The following TPGS2 variants were observed in gnomAD, a reference collection of about 807,000 sequenced individuals.
The protein encoded by TPGS2 is tubulin polyglutamylase complex subunit 2.
Under a neutral mutation model 31.1 loss-of-function variants are expected in TPGS2, and 26 were observed. That is an observed-to-expected ratio of 0.84 (90% CI 0.61 to 1.16). The LOEUF is 1.16. Ranked by LOEUF, TPGS2 falls within the 50% of genes most tolerant of loss-of-function variation. The pLI is 0.00. For synonymous variants in TPGS2, 130 were observed against 136.6 expected (o/e 0.95, Z 0.34); for missense variants, 351 against 363.8 (o/e 0.96, Z 0.29).
At position 36,828,841 on chromosome 18, in the gene TPGS2, T is replaced by G. The variant is rs2046331554; in HGVS notation, c.-74A>C. On this transcript the variant is annotated 5_prime_UTR_variant, in exon 1 of 7. It removes the in-frame stop codon of an upstream open reading frame in the 5' UTR. Coordinates refer to ENST00000334295, the MANE Select transcript of TPGS2 (RefSeq NM_015476.4). Reference sequence around the variant, plus strand: ...CCCCGCCTCAGCGCCGAGGCCAATTTCATGGCATGCCGGGAACGGTAGTTC... The same window carrying G: ...CCCCGCCTCAGCGCCGAGGCCAATTGCATGGCATGCCGGGAACGGTAGTTC... 2 of 1,549,692 alleles carry G rather than the reference T, an allele frequency of 1.3e-6. No individual in the cohort carries two copies. The highest frequency in any genetic ancestry group is 1.8e-6 in the Non-Finnish European group (2 of 1,133,668).
At chr18:36,827,860 G>A (rs1600865760) in intron 1 of TPGS2, among the ~76,000 whole-genome samples, 2 of 152,222 alleles carry the variant, frequency 1.3e-5, no homozygotes, top group East Asian at 3.9e-4. Context: ...TCACAGAACT[G>A]TGTCTTTTTC....
chr18:36,796,409 AT>A lies in TPGS2; in HGVS notation c.*395del. The A allele has an allele frequency of 1.0e-6, 1 of 997,418 alleles. No homozygotes were observed. 61.8% of individuals were successfully genotyped at this position (997,418 alleles called of 1,614,324 possible). On this transcript the variant is annotated 3_prime_UTR_variant, in exon 7 of 7. Coordinates refer to ENST00000334295, the MANE Select transcript of TPGS2 (RefSeq NM_015476.4). ...TTCATACAATTTACTTTAAATTTAA[AT>A]AGTCATATGTGACTAGTGGCTCCTG...
chr18:36,811,612 C>T (rs2045431683), intron 2 of TPGS2, among the ~76,000 whole-genome samples: 1 of 152,064 alleles, frequency 6.6e-6, no homozygotes, highest in South Asian at 2.1e-4. Flanking sequence ...TGGGGGAAGC[C>T]TTTGCATCTA....
intron 1 of TPGS2, among the ~76,000 whole-genome samples, chr18:36,820,404 C>CA (rs2045845154): frequency 6.6e-6 from 1 of 152,184 alleles, no homozygotes; most frequent in Admixed American, 6.5e-5. Flanking sequence ...AATTGGCCAA[C>CA]ATGTTGACTT....
intron 6 of TPGS2, among the ~76,000 whole-genome samples, chr18:36,786,253 TTC>T (rs764421423): frequency 8.5e-5 from 13 of 152,150 alleles, no homozygotes; most frequent in South Asian, 2.1e-4. Flanking sequence ...TCTGGTGGTG[TTC>T]TGTCACCCAG....
chr18:36,803,361 GTCC>G (rs1237866333), intron 4 of TPGS2, among the ~76,000 whole-genome samples: 4 of 152,072 alleles, frequency 2.6e-5, no homozygotes, highest in Non-Finnish European at 5.9e-5. Context: ...GGGGTTTTGT[GTCC>G]TCATCTGCTG....
At chr18:36,786,624 CGTCA>C in intron 6 of TPGS2, 1 of 389,992 alleles carries the variant, frequency 2.6e-6, no homozygotes, top group Admixed American at 4.5e-5. Context: ...AAAGTTGTTC[CGTCA>C]GTCTTATGAT....
intron 2 of TPGS2, among the ~76,000 whole-genome samples, chr18:36,813,243 A>C (rs1228366030): frequency 6.6e-6 from 1 of 152,188 alleles, no homozygotes; most frequent in Non-Finnish European, 1.5e-5. Flanking sequence ...GTCTGCGAGG[A>C]AGGAAAAGAT....
downstream of TPGS2, among the ~76,000 whole-genome samples, chr18:36,791,289 T>C (rs2044301085): frequency 6.6e-6 from 1 of 152,222 alleles, no homozygotes; most frequent in Admixed American, 6.5e-5. Context: ...TAGTTCTTTA[T>C]AGCTATGTGA....
intron 1 of TPGS2, 64 bp from the exon 2 acceptor site, chr18:36,819,037 T>C (rs554141900): frequency 7.5e-7 from 1 of 1,333,464 alleles, no homozygotes; most frequent in African/African-American, 1.4e-5. Flanking sequence ...TCTACGCTAG[T>C]TGTTGACTAA....
intron 2 of TPGS2, among the ~76,000 whole-genome samples, chr18:36,809,099 T>C (rs2045301308): frequency 6.6e-6 from 1 of 152,198 alleles, no homozygotes; most frequent in Non-Finnish European, 1.5e-5. Flanking sequence ...AGGTACCCAA[T>C]GCATGGGAAA....
At chr18:36,814,430 C>T (rs1376436663) in intron 2 of TPGS2, among the ~76,000 whole-genome samples, 1 of 152,180 alleles carries the variant, frequency 6.6e-6, no homozygotes, top group African/African-American at 2.4e-5. Flanking sequence ...TCATATTTCC[C>T]TCCAACCTCA....
chr18:36,784,572 G>A (rs2044087267), intron 6 of TPGS2, among the ~76,000 whole-genome samples: 1 of 152,222 alleles, frequency 6.6e-6, no homozygotes, highest in African/African-American at 2.4e-5. Context: ...AGAAAAATCA[G>A]TTGTGTTTGC....
chr18:36,804,822 G>A (rs2045030950), intron 4 of TPGS2, among the ~76,000 whole-genome samples: 1 of 152,110 alleles, frequency 6.6e-6, no homozygotes, highest in African/African-American at 2.4e-5. Context: ...TTGTTTTCTT[G>A]ATCAAAAGGG....
chr18:36,828,878 A>G lies in TPGS2; in HGVS notation c.-111T>C, dbSNP rs1421523094. 1 of 1,358,574 alleles carries G rather than the reference A, an allele frequency of 7.4e-7. No homozygotes were observed. Among genetic ancestry groups the G allele is most frequent in the Non-Finnish European group, 1.0e-6 (1 of 994,090 alleles). 84.2% of individuals were successfully genotyped at this position (1,358,574 alleles called of 1,614,324 possible). ...GGGAACGGTAGTTCTCGGCGCCTGA[A>G]AGCGCGGCGCAGTGATGATGGGGGC... On this transcript the variant is annotated 5_prime_UTR_variant, in exon 1 of 7. Transcript: ENST00000334295.
chr18:36,787,106 T>C (rs912648895), intron 6 of TPGS2: 2 of 1,232,300 alleles, frequency 1.6e-6, no homozygotes, highest in Non-Finnish European at 2.0e-6. Flanking sequence ...TAGGAATACA[T>C]GGGTCTTGGT....
chr18:36,789,089 A>G (rs1304736618), intron 6 of TPGS2: 5 of 152,184 alleles, frequency 3.3e-5, no homozygotes, highest in Non-Finnish European at 5.9e-5. Context: ...GAACCTGCAC[A>G]GCCCACTCTG....
At chr18:36,790,938 G>A (rs1232941836), downstream of TPGS2, among the ~76,000 whole-genome samples, 1 of 152,172 alleles carries the variant, frequency 6.6e-6, no homozygotes, top group Non-Finnish European at 1.5e-5. Flanking sequence ...GATGTGGTCT[G>A]CATTTGTGTC....
chr18:36,825,532 A>G (rs920141696), intron 1 of TPGS2, among the ~76,000 whole-genome samples: 1 of 151,980 alleles, frequency 6.6e-6, no homozygotes, highest in African/African-American at 2.4e-5. Flanking sequence ...GTTTTATGCC[A>G]CTACCACTCT....
Sources: gnomAD v4.1 joint callset for allele counts (sites outside exome capture counted in the v4.1 genomes callset) on GRCh38, gnomAD v4.1.1 for gene constraint, MANE v1.5 for transcripts, NCBI Gene and HGNC (gene_info 2026-07-23, HGNC 2026-07-21) for gene names.